CARMIL1: variants seen among roughly 807,000 people sequenced by gnomAD.
CARMIL1 encodes capping protein regulator and myosin 1 linker 1.
A neutral mutation model predicts 177.1 loss-of-function variants in CARMIL1; 90 were observed. The observed-to-expected ratio is 0.51, with a 90% CI of 0.43 to 0.61. The LOEUF (loss-of-function observed/expected upper bound fraction) is 0.61, where lower values mean the gene tolerates loss of function less well. Ranked by LOEUF, CARMIL1 falls within the 20% of genes least tolerant of loss-of-function variation. The probability of loss-of-function intolerance (pLI) is 0.00; values close to 1 mark genes in which losing one functional copy is unlikely to be tolerated. For synonymous variants in CARMIL1, 577 were observed against 606.2 expected, an observed-to-expected ratio of 0.95 and a Z score of 0.71; for missense variants, 1,380 against 1,667.0, an observed-to-expected ratio of 0.83 and a Z score of 3.00.
At chr6:25,564,269 T>A (rs1311410607) in intron 29 of CARMIL1, among the ~76,000 whole-genome samples, 1 of 152,154 alleles carries the variant, frequency 6.6e-6, no homozygotes, top group Non-Finnish European at 1.5e-5. Context: ...CACTGCACTG[T>A]CCAGGTCAGG....
intron 2 of CARMIL1, among the ~76,000 whole-genome samples, chr6:25,408,485 G>A (rs1245726870): frequency 1.3e-5 from 2 of 151,230 alleles, no homozygotes; most frequent in South Asian, 4.2e-4. Context: ...ACTGACTATC[G>A]CCAACACTTT....
At chr6:25,591,370 A>G (rs1292415039) in intron 31 of CARMIL1, among the ~76,000 whole-genome samples, 2 of 152,198 alleles carry the variant, frequency 1.3e-5, no homozygotes, top group African/African-American at 2.4e-5. Flanking sequence ...TTCTTTATCA[A>G]ATATCAGCAA....
At chr6:25,497,765 A>G (rs1186980915) in intron 16 of CARMIL1, among the ~76,000 whole-genome samples, 2 of 152,184 alleles carry the variant, frequency 1.3e-5, no homozygotes, top group Admixed American at 6.5e-5. Context: ...GGACATAACA[A>G]TATTTTTCCC....
Position 25,420,114 on chromosome 6 carries a change from G to T in CARMIL1, c.139G>T (p.Val47Phe), listed in dbSNP as rs768396408. 6.8e-6 allele frequency: 11 copies of T among 1,612,688 alleles called. No homozygotes were observed. The highest frequency in any genetic ancestry group is 8.5e-6 in the Non-Finnish European group (10 of 1,178,798). Residue 47 changes from valine to phenylalanine, a missense_variant and splice_region_variant, in exon 3 of 37, where the codon GTC becomes TTC. Transcript: ENST00000329474. ...TGATGCTGCTGCTTCTGTCTTACAG[G>T]TCCTTACATCATGCCGAGCCTTCCT... The part of the protein sequence containing the change: ...KGDKVENKVL[V>F]LTSCRAFLVT...
intron 2 of CARMIL1, among the ~76,000 whole-genome samples, chr6:25,353,188 T>A (rs1438779387): frequency 6.6e-6 from 1 of 152,192 alleles, no homozygotes; most frequent in Admixed American, 6.5e-5. Flanking sequence ...AATAATATGA[T>A]ATCTATAATT....
intron 2 of CARMIL1, among the ~76,000 whole-genome samples, chr6:25,296,924 T>TCTAA (rs1554153519): frequency 0.054 from 3,449 of 64,458 alleles, 110 homozygotes; most frequent in African/African-American, 0.13. Context: ...TATCTATCTA[T>TCTAA]CTATCTATCT....
Position 25,491,941 on chromosome 6 carries a change from T to C in CARMIL1, c.1144-7T>C. 2 of 1,612,936 alleles carry C rather than the reference T, an allele frequency of 1.2e-6. No homozygotes were observed. Among genetic ancestry groups the C allele is most frequent in the Non-Finnish European group, 1.7e-6 (2 of 1,179,358 alleles). The stretch of plus-strand genomic sequence containing the variant: ...TTGAAAAGAAGAGTGCCTTATTTCT[T>C]TTTCAGGTCTGTGGAGCTCTTCTCC... On this transcript the variant is annotated splice_polypyrimidine_tract_variant and splice_region_variant and intron_variant, in intron 14 of 36. Coordinates refer to ENST00000329474, the MANE Select transcript of CARMIL1 (RefSeq NM_017640.6).
chr6:25,546,574 C>G (rs1033190003), intron 26 of CARMIL1, among the ~76,000 whole-genome samples: 3 of 151,224 alleles, frequency 2.0e-5, no homozygotes, highest in Non-Finnish European at 4.4e-5. Flanking sequence ...GTGGCCCATA[C>G]CTGTAGTCCC....
At chr6:25,599,885 A>AT (rs972169117) in intron 32 of CARMIL1, among the ~76,000 whole-genome samples, 1 of 152,108 alleles carries the variant, frequency 6.6e-6, no homozygotes. Context: ...GGGTTAGGTT[A>AT]TGGATTAACT....
intron 29 of CARMIL1, chr6:25,563,349 G>A: frequency 1.0e-6 from 1 of 985,288 alleles, no homozygotes; most frequent in Non-Finnish European, 1.2e-6. Flanking sequence ...TAATTTCTGA[G>A]TTAAACAATA....
At chr6:25,384,833 A>T (rs1791988034) in intron 2 of CARMIL1, among the ~76,000 whole-genome samples, 1 of 152,164 alleles carries the variant, frequency 6.6e-6, no homozygotes, top group Non-Finnish European at 1.5e-5. Flanking sequence ...CAAGCCGCTT[A>T]AATTTGTTTA....
At chr6:25,332,187 G>T (rs1785691294) in intron 2 of CARMIL1, among the ~76,000 whole-genome samples, 1 of 152,172 alleles carries the variant, frequency 6.6e-6, no homozygotes, top group Admixed American at 6.5e-5. Flanking sequence ...CAAATCTAAA[G>T]ATAGGTCATA....
In CARMIL1 at chr6:25,581,317, A is replaced by C. The variant is rs764292110; in HGVS notation, c.2884A>C (p.Arg962=). 8 of 1,613,934 alleles carry C rather than the reference A, an allele frequency of 5.0e-6. No homozygotes were observed. Among genetic ancestry groups the C allele is most frequent in the Non-Finnish European group, 3.4e-6 (4 of 1,179,862 alleles). ...CGAAGACCCGCCCTTCCCATCCCTC[A>C]GACAGGAGAAGCGGAGCTCGGGATT... The part of the protein sequence containing the change: ...HIEDPPFPSL[R]QEKRSSGFIS... The change falls in exon 31 of 37, where the codon AGA becomes CGA. Residue 962 remains arginine, a synonymous_variant. Coordinates refer to ENST00000329474, the MANE Select transcript of CARMIL1 (RefSeq NM_017640.6).
At chr6:25,511,890 C>T (rs1805489756) in intron 20 of CARMIL1, among the ~76,000 whole-genome samples, 1 of 152,122 alleles carries the variant, frequency 6.6e-6, no homozygotes, top group African/African-American at 2.4e-5. Context: ...TTAATGAATT[C>T]AGCACTTCTC....
Position 25,540,137 on chromosome 6 carries a change from C to G in CARMIL1, c.2328+59C>G, listed in dbSNP as rs528440855. 6.3e-6 allele frequency: 9 copies of G among 1,434,862 alleles called. No homozygotes were observed. In the African/African-American group the frequency reaches 8.6e-5, roughly 14 times the overall value. 88.9% of individuals were successfully genotyped at this position (1,434,862 alleles called of 1,614,324 possible). ...GTTAATATTTAACTACGCATGATAG[C>G]ATTTCATTCCATAGCTATCTATGTT... On this transcript the variant is annotated intron_variant, in intron 26 of 36. Coordinates refer to ENST00000329474, the MANE Select transcript of CARMIL1 (RefSeq NM_017640.6).
At chr6:25,388,716 C>T (rs1792435710) in intron 2 of CARMIL1, among the ~76,000 whole-genome samples, 3 of 151,890 alleles carry the variant, frequency 2.0e-5, no homozygotes, top group Admixed American at 2.0e-4. Context: ...GTCATCTAGG[C>T]TGGAGTGCAA....
At chr6:25,580,635 A>C (rs1813037536) in intron 29 of CARMIL1, among the ~76,000 whole-genome samples, 1 of 152,212 alleles carries the variant, frequency 6.6e-6, no homozygotes, top group African/African-American at 2.4e-5. Flanking sequence ...TTATGTATCC[A>C]TTTTAACATC....
At chr6:25,595,254 G>A (rs1018950393) in intron 32 of CARMIL1, among the ~76,000 whole-genome samples, 6 of 118,632 alleles carry the variant, frequency 5.1e-5, no homozygotes, top group South Asian at 5.9e-4. Context: ...ACATGGATTT[G>A]TCTTTATGAA....
chr6:25,468,699 G>A (rs1260533138), intron 9 of CARMIL1, among the ~76,000 whole-genome samples: 1 of 152,142 alleles, frequency 6.6e-6, no homozygotes, highest in Non-Finnish European at 1.5e-5. Context: ...TGCTTTTAAT[G>A]TACTTGGCAC....
Sources: allele counts gnomAD v4.1 joint callset (sites outside exome capture counted in the v4.1 genomes callset), GRCh38; gene constraint gnomAD v4.1.1; transcripts MANE v1.5; gene names NCBI Gene and HGNC (gene_info 2026-07-23, HGNC 2026-07-21).